Variants in FNDC3A observed in about 807,000 individuals in gnomAD.
FNDC3A encodes fibronectin type III domain containing 3A, also known as fibronectin type-III domain-containing protein 3A.
Under a neutral mutation model 148.9 loss-of-function variants are expected in FNDC3A, and 32 were observed. That is an observed-to-expected ratio of 0.21 (90% CI 0.16 to 0.29). FNDC3A has a LOEUF of 0.29. Among genes scored for constraint, FNDC3A ranks in the 10% least tolerant of loss-of-function variants. The pLI, the probability that FNDC3A is intolerant of heterozygous loss-of-function variation, is 1.00. For missense variants in FNDC3A, 1,191 were observed against 1,452.8 expected (o/e 0.82, Z 2.93); for synonymous variants, 472 against 473.6 (o/e 1.00, Z 0.04).
rs1321107560 is a variant in FNDC3A at position 49,167,539 on chromosome 13, G to A, written c.1037+236G>A. Reference sequence around the variant, plus strand: ...GAGTGACATAGTGAGACCCTATCTCGACAAAGAAATCCAAAAAGTAGCCAA... The same window carrying A: ...GAGTGACATAGTGAGACCCTATCTCAACAAAGAAATCCAAAAAGTAGCCAA... On this transcript the variant is annotated intron_variant, in intron 9 of 25. Coordinates refer to ENST00000492622, the MANE Select transcript of FNDC3A (RefSeq NM_001079673.2). Among the ~76,000 whole-genome samples, 4 of 151,950 alleles carry A rather than the reference G, an allele frequency of 2.6e-5. No homozygotes were observed. The South Asian group carries it at 6.2e-4, about 24-fold the overall frequency.
At chr13:49,068,297 A>G (rs1311817724) in intron 2 of FNDC3A, among the ~76,000 whole-genome samples, 2 of 152,222 alleles carry the variant, frequency 1.3e-5, no homozygotes, top group Non-Finnish European at 2.9e-5. Context: ...CCGGGAGGTC[A>G]AGGCTGCAGT....
At chr13:48,984,352 C>T (rs1454919094) in intron 1 of FNDC3A, among the ~76,000 whole-genome samples, 3 of 152,082 alleles carry the variant, frequency 2.0e-5, no homozygotes, top group African/African-American at 4.8e-5. Context: ...GAGAAGGGAG[C>T]ATGCACAAGA....
chr13:49,038,450 C>CA (rs1296935286), intron 2 of FNDC3A, among the ~76,000 whole-genome samples: 1 of 152,130 alleles, frequency 6.6e-6, no homozygotes, highest in Non-Finnish European at 1.5e-5. Flanking sequence ...GACATAGACA[C>CA]ATACAGAGGG....
chr13:49,108,384 T>C (rs1248342412), intron 3 of FNDC3A, among the ~76,000 whole-genome samples: 1 of 151,858 alleles, frequency 6.6e-6, no homozygotes, highest in Admixed American at 6.6e-5. Context: ...GGAACAACAG[T>C]GGTGAAGGGA....
intron 2 of FNDC3A, among the ~76,000 whole-genome samples, chr13:49,008,946 T>C (rs899703936): frequency 2.0e-5 from 3 of 152,218 alleles, no homozygotes; most frequent in Non-Finnish European, 2.9e-5. Context: ...TTTATTAGTG[T>C]GATATATTTG....
intron 8 of FNDC3A, among the ~76,000 whole-genome samples, chr13:49,149,664 G>A (rs932469990): frequency 2.0e-5 from 3 of 152,012 alleles, no homozygotes; most frequent in Non-Finnish European, 2.9e-5. Flanking sequence ...TTTTTTTGTT[G>A]TGTCCGTATC....
In FNDC3A at chr13:49,039,776, G is replaced by A. The variant is rs184389189; in HGVS notation, c.99+33487G>A. On this transcript the variant is annotated intron_variant, in intron 2 of 25. Transcript: ENST00000492622. ...TTTGCCCAGGCTGGAGTGCAATGGC[G>A]CAATCTCGGCTCACTGCAACCTTCG... is the stretch of plus-strand genomic sequence containing the variant. 1.6e-3 allele frequency among the ~76,000 whole-genome samples: 237 copies of A among 152,186 alleles called. 1 individual carries two copies. Among genetic ancestry groups the A allele is most frequent in the Admixed American group, 0.011 (169 of 15,284 alleles).
At chr13:49,080,333 T>C (rs1421614016) in intron 3 of FNDC3A, among the ~76,000 whole-genome samples, 1 of 152,170 alleles carries the variant, frequency 6.6e-6, no homozygotes, top group Admixed American at 6.5e-5. Flanking sequence ...TTTTCCATTT[T>C]GGTCATTGGT....
chr13:49,111,299 G>A (rs1566256289), intron 3 of FNDC3A, among the ~76,000 whole-genome samples: 1 of 152,180 alleles, frequency 6.6e-6, no homozygotes, highest in Non-Finnish European at 1.5e-5. Context: ...ATGAGATGCT[G>A]TAAACGTTGT....
chr13:49,111,845 G>A (rs1880599404), intron 3 of FNDC3A, among the ~76,000 whole-genome samples: 1 of 151,780 alleles, frequency 6.6e-6, no homozygotes, highest in African/African-American at 2.4e-5. Flanking sequence ...CTTTTTCCTG[G>A]ACTACATCTA....
chr13:49,127,457 C>T (rs1881770588), intron 4 of FNDC3A, among the ~76,000 whole-genome samples: 1 of 152,110 alleles, frequency 6.6e-6, no homozygotes, highest in African/African-American at 2.4e-5. Context: ...CCAAAACTGC[C>T]CTCTTCAAGG....
intron 8 of FNDC3A, among the ~76,000 whole-genome samples, chr13:49,162,256 G>C (rs574923847): frequency 1.7e-4 from 26 of 152,288 alleles, no homozygotes; most frequent in African/African-American, 6.3e-4. Flanking sequence ...ATGAGACGTA[G>C]ATTTGGTCTT....
At chr13:49,112,536 TAAAGACAAC>T (rs1301660601) in intron 3 of FNDC3A, among the ~76,000 whole-genome samples, 1 of 152,226 alleles carries the variant, frequency 6.6e-6, no homozygotes, top group Admixed American at 6.5e-5. Context: ...TTTACGGATG[TAAAGACAAC>T]AAAGGCCTTA....
chr13:49,026,400 A>G (rs189860504), intron 2 of FNDC3A, among the ~76,000 whole-genome samples: 4 of 152,364 alleles, frequency 2.6e-5, no homozygotes, highest in African/African-American at 7.2e-5. Flanking sequence ...AGGATACAAT[A>G]CTGTCTACTT....
intron 2 of FNDC3A, chr13:49,046,682 T>C (rs1312938164): frequency 6.5e-6 from 1 of 153,294 alleles, no homozygotes; most frequent in Non-Finnish European, 1.5e-5. Context: ...TCTATTACTT[T>C]CTAACATTTT....
intron 2 of FNDC3A, among the ~76,000 whole-genome samples, chr13:49,032,016 A>G (rs1874155362): frequency 6.6e-6 from 1 of 152,252 alleles, no homozygotes; most frequent in South Asian, 2.1e-4. Context: ...GAAGTTATGT[A>G]CATGTACTAT....
At chr13:49,035,959 G>A (rs1874461141) in intron 2 of FNDC3A, among the ~76,000 whole-genome samples, 1 of 152,032 alleles carries the variant, frequency 6.6e-6, no homozygotes, top group Non-Finnish European at 1.5e-5. Context: ...GACTTCAGCT[G>A]AAATGTTATA....
intron 2 of FNDC3A, among the ~76,000 whole-genome samples, chr13:49,068,172 T>TAA (rs1209565702): frequency 1.5e-5 from 2 of 137,470 alleles, no homozygotes; most frequent in East Asian, 2.1e-4. Flanking sequence ...CGTCTTTATT[T>TAA]AAAAAAAAAA....
intron 3 of FNDC3A, among the ~76,000 whole-genome samples, chr13:49,076,219 A>AC (rs1878101122): frequency 1.3e-5 from 2 of 151,742 alleles, no homozygotes; most frequent in African/African-American, 4.8e-5. Context: ...TAGCTACATG[A>AC]CCTTGTACAT....
Sources: gnomAD v4.1 joint callset for allele counts (sites outside exome capture counted in the v4.1 genomes callset) on GRCh38, gnomAD v4.1.1 for gene constraint, MANE v1.5 for transcripts, NCBI Gene and HGNC (gene_info 2026-07-23, HGNC 2026-07-21) for gene names.